ASCC3: variants seen among roughly 807,000 people sequenced by gnomAD.
ASCC3 encodes ASC-1 complex subunit P200.
A neutral mutation model predicts 256.3 loss-of-function variants in ASCC3; 158 were observed. The observed-to-expected ratio is 0.62, with a 90% confidence interval of 0.54 to 0.70. ASCC3 has a LOEUF of 0.70. ASCC3 is among the 30% of genes least tolerant of loss of function. The probability of loss-of-function intolerance (pLI) is 0.00; values close to 1 mark genes in which losing one functional copy is unlikely to be tolerated. For missense variants in ASCC3, 2,259 were observed against 2,626.0 expected, an observed-to-expected ratio of 0.86 and a Z score of 3.05; for synonymous variants, 948 against 883.4, an observed-to-expected ratio of 1.07 and a Z score of -1.30.
intron 8 of ASCC3, among the ~76,000 whole-genome samples, chr6:100,789,162 G>A (rs1199453064): frequency 6.6e-6 from 1 of 151,818 alleles, no homozygotes; most frequent in Non-Finnish European, 1.5e-5. Flanking sequence ...TGGTGGGGAG[G>A]CCATTTATAT....
chr6:100,621,146 G>A (rs1240088938), intron 30 of ASCC3, among the ~76,000 whole-genome samples: 1 of 152,096 alleles, frequency 6.6e-6, no homozygotes, highest in Non-Finnish European at 1.5e-5. Flanking sequence ...GGAATACTAT[G>A]CAGCCATGAA....
At chr6:100,551,286 C>T (rs183931632) in intron 36 of ASCC3, among the ~76,000 whole-genome samples, 46 of 151,886 alleles carry the variant, frequency 3.0e-4, no homozygotes, top group East Asian at 2.7e-3. Context: ...TGCAGTCTAG[C>T]GGGGGAGCCA....
At chr6:100,524,759 A>G (rs192006714) in intron 37 of ASCC3, among the ~76,000 whole-genome samples, 92 of 152,102 alleles carry the variant, frequency 6.0e-4, no homozygotes, top group African/African-American at 2.0e-3. Flanking sequence ...GCTTCTTAGT[A>G]TTCTTTAGAC....
chr6:100,558,487 T>C (rs1475341571), intron 36 of ASCC3, among the ~76,000 whole-genome samples: 4 of 152,160 alleles, frequency 2.6e-5, no homozygotes, highest in Non-Finnish European at 2.9e-5. Flanking sequence ...CAAATGCTGC[T>C]ACAGAATTAA....
intron 37 of ASCC3, among the ~76,000 whole-genome samples, chr6:100,538,049 T>C (rs975107545): frequency 1.3e-5 from 2 of 152,076 alleles, no homozygotes; most frequent in African/African-American, 4.8e-5. Context: ...CATTATTGAC[T>C]GAGTGCTAAA....
chr6:100,592,299 T>A (rs1009337485), intron 34 of ASCC3, among the ~76,000 whole-genome samples: 7 of 151,894 alleles, frequency 4.6e-5, no homozygotes, highest in African/African-American at 1.4e-4. Context: ...TTAACACAGT[T>A]TTTTTTTCTA....
At chr6:100,786,516 A>G (rs1453469901) in intron 8 of ASCC3, among the ~76,000 whole-genome samples, 1 of 152,206 alleles carries the variant, frequency 6.6e-6, no homozygotes, top group South Asian at 2.1e-4. Flanking sequence ...ACTTGACCGT[A>G]TAAGTGCCCA....
chr6:100,726,793 C>T (rs1233573820), intron 10 of ASCC3, among the ~76,000 whole-genome samples: 1 of 152,026 alleles, frequency 6.6e-6, no homozygotes, highest in Non-Finnish European at 1.5e-5. Context: ...AAGACATTTC[C>T]ATCTGCTCTT....
intron 36 of ASCC3, among the ~76,000 whole-genome samples, chr6:100,579,955 T>C (rs1771116875): frequency 6.6e-6 from 1 of 152,204 alleles, no homozygotes; most frequent in Non-Finnish European, 1.5e-5. Flanking sequence ...TTCCTATTCA[T>C]GAATACGAAA....
At chr6:100,665,886 T>C (rs1435433832) in intron 14 of ASCC3, among the ~76,000 whole-genome samples, 2 of 152,068 alleles carry the variant, frequency 1.3e-5, no homozygotes, top group African/African-American at 4.8e-5. Context: ...TTTTAAGACA[T>C]ATTTGTGTTA....
At chr6:100,511,689 G>A (rs1407821794) in intron 40 of ASCC3, among the ~76,000 whole-genome samples, 1 of 152,050 alleles carries the variant, frequency 6.6e-6, no homozygotes, top group East Asian at 1.9e-4. Flanking sequence ...GCCAAGTCTG[G>A]GCGACACAGT....
intron 10 of ASCC3, among the ~76,000 whole-genome samples, chr6:100,738,968 C>G (rs763008625): frequency 6.6e-6 from 1 of 152,094 alleles, no homozygotes; most frequent in Non-Finnish European, 1.5e-5. Flanking sequence ...TGAAAACTTC[C>G]AATATTATGC....
intron 4 of ASCC3, among the ~76,000 whole-genome samples, chr6:100,833,760 C>T (rs908318700): frequency 2.0e-5 from 3 of 152,096 alleles, no homozygotes; most frequent in Non-Finnish European, 2.9e-5. Context: ...AGTGAAGGGC[C>T]GCAGTGAAAG....
At chr6:100,542,466 A>G (rs1416529147) in intron 36 of ASCC3, among the ~76,000 whole-genome samples, 1 of 152,148 alleles carries the variant, frequency 6.6e-6, no homozygotes, top group Non-Finnish European at 1.5e-5. Context: ...GCGGATCACG[A>G]GGTCAAGAGA....
chr6:100,680,590 G>A (rs561898233), intron 13 of ASCC3, among the ~76,000 whole-genome samples: 36 of 152,040 alleles, frequency 2.4e-4, no homozygotes, highest in African/African-American at 8.4e-4. Context: ...AATTTTATCT[G>A]GTGTGAATAA....
intron 32 of ASCC3, among the ~76,000 whole-genome samples, chr6:100,606,097 C>T (rs1033393942): frequency 2.0e-5 from 3 of 151,666 alleles, no homozygotes; most frequent in African/African-American, 7.3e-5. Context: ...TTATTTTCCC[C>T]GTGAATAATG....
At chr6:100,654,954 G>T (rs552170149) in intron 17 of ASCC3, among the ~76,000 whole-genome samples, 2 of 151,960 alleles carry the variant, frequency 1.3e-5, no homozygotes, top group Non-Finnish European at 2.9e-5. Flanking sequence ...TAAATTAGGG[G>T]AAACTATAAT....
chr6:100,661,323 T>TCGCACACACACACACACA lies in ASCC3; in HGVS notation c.2703+482_2703+483insTGTGTGTGTGTGTGTGCG, dbSNP rs1435976050. Among the ~76,000 whole-genome samples, 18 of 141,620 alleles carry TCGCACACACACACACACA rather than the reference T, an allele frequency of 1.3e-4. 1 individual carries two copies. The Admixed American group carries it at 1.3e-3, about 10-fold the overall frequency. 92.9% of individuals were successfully genotyped at this position (141,620 alleles called of 152,430 possible). Reference sequence around the variant, plus strand: ...TGCTATGTAAATCTTAACACAAAAGTCACACACACACACACACACACACAC... The same window carrying TCGCACACACACACACACA: ...TGCTATGTAAATCTTAACACAAAAGTCGCACACACACACACACACACACACACACACACACACACACAC... On this transcript the variant is annotated intron_variant, in intron 16 of 41. Transcript: ENST00000369162.
At chr6:100,543,217 T>C (rs756917921) in intron 36 of ASCC3, among the ~76,000 whole-genome samples, 9 of 123,666 alleles carry the variant, frequency 7.3e-5, no homozygotes, top group Non-Finnish European at 1.7e-4. Context: ...CTTATAATAC[T>C]TAATACAACG....
Sources: gnomAD v4.1 joint callset for allele counts (sites outside exome capture counted in the v4.1 genomes callset) on GRCh38, gnomAD v4.1.1 for gene constraint, MANE v1.5 for transcripts, NCBI Gene and HGNC (gene_info 2026-07-23, HGNC 2026-07-21) for gene names.